Variants in GATA6 observed in about 807,000 individuals in gnomAD.
GATA6 encodes the protein transcription factor GATA-6.
GATA6 carries 11 observed loss-of-function variants against 48.1 expected under a neutral mutation model. The ratio of observed to expected loss-of-function variants is 0.23; its 90% CI spans 0.14 to 0.38. The LOEUF is 0.38. Ranked by LOEUF, GATA6 falls within the 10% of genes least tolerant of loss-of-function variation. GATA6 has a pLI of 1.00. For synonymous variants in GATA6, 419 were observed against 396.1 expected, an observed-to-expected ratio of 1.06 and a Z score of -0.69; for missense variants, 795 against 850.3, an observed-to-expected ratio of 0.93 and a Z score of 0.81.
At chr18:22,180,943 T>TG in intron 3 of GATA6, among the ~76,000 whole-genome samples, 1 of 150,374 alleles carries the variant, frequency 6.7e-6, no homozygotes, top group Non-Finnish European at 1.5e-5. Context: ...CTGTCCACGG[T>TG]GGGGGGTGGG....
At chr18:22,177,161 C>T (rs1459417742) in intron 3 of GATA6, 40 bp downstream of exon 3, 13 of 1,525,024 alleles carry the variant, frequency 8.5e-6, no homozygotes, top group African/African-American at 2.8e-5. Context: ...GCGGCCGGCC[C>T]CGGGCTCTCC....
At chr18:22,196,040 T>C (rs559438848) in intron 6 of GATA6, among the ~76,000 whole-genome samples, 8 of 152,342 alleles carry the variant, frequency 5.3e-5, no homozygotes, top group African/African-American at 1.9e-4. Flanking sequence ...TTCTGTAAGG[T>C]GGGTGTACCA....
chr18:22,171,253 T>TCCCCC lies in GATA6; in HGVS notation c.110_114dup (p.Ile39ProfsTer100). On this transcript the variant is annotated frameshift_variant, in exon 2 of 7. Transcript: ENST00000269216. LOFTEE classifies it high-confidence loss of function. The surrounding 1 kb of genome is among the most constrained non-coding windows in gnomAD (Gnocchi z 7.1). ...AGCGCGGGAGCCCTCCACGCCGCCTTCCCCCATCTCTTCCTCGTCCTCCTC... is the reference window on the plus strand; with the variant it reads ...AGCGCGGGAGCCCTCCACGCCGCCTTCCCCCCCCCCATCTCTTCCTCGTCCTCCTC... 1 of 1,598,224 alleles carries TCCCCC rather than the reference T, an allele frequency of 6.3e-7. No individual in the cohort carries two copies. The highest frequency in any genetic ancestry group is 1.3e-5 in the African/African-American group (1 of 74,940).
intron 6 of GATA6, among the ~76,000 whole-genome samples, chr18:22,190,704 G>A (rs945556678): frequency 5.3e-5 from 8 of 152,152 alleles, no homozygotes; most frequent in Admixed American, 2.0e-4. Flanking sequence ...TGGAACCGAC[G>A]TCTCCTGCCT....
chr18:22,179,660 T>A (rs957602701), intron 3 of GATA6, among the ~76,000 whole-genome samples: 1 of 146,926 alleles, frequency 6.8e-6, no homozygotes, highest in African/African-American at 2.7e-5. Flanking sequence ...TCCTAAAAAA[T>A]TATTTTCTTT....
intron 6 of GATA6, among the ~76,000 whole-genome samples, chr18:22,190,749 G>A (rs1431999288): frequency 6.6e-6 from 1 of 152,148 alleles, no homozygotes; most frequent in African/African-American, 2.4e-5. Flanking sequence ...CCAGGGAGTT[G>A]ACCAATCATC....
Position 22,171,298 on chromosome 18 carries a change from C to CG in GATA6, c.158dup (p.Gly55ArgfsTer63). On this transcript the variant is annotated frameshift_variant, in exon 2 of 7. Transcript: ENST00000269216. LOFTEE classifies it high-confidence loss of function. The surrounding 1 kb of genome is among the most constrained non-coding windows in gnomAD (Gnocchi z 7.1). ...CTCCTCCTGCTCCCGGGGCGGAGAG[C>CG]GGGGCCCCGGCGGCGCCAGCAACTG... 1 of 1,591,960 alleles carries CG rather than the reference C, an allele frequency of 6.3e-7. No individual in the cohort carries two copies. The highest frequency in any genetic ancestry group is 8.5e-7 in the Non-Finnish European group (1 of 1,175,494).
chr18:22,196,543 A>G (rs1459749640), intron 6 of GATA6, among the ~76,000 whole-genome samples: 1 of 152,004 alleles, frequency 6.6e-6, no homozygotes, highest in East Asian at 1.9e-4. Flanking sequence ...GAGTTTGAGA[A>G]CAGCCTAGGC....
At chr18:22,179,667 C>A (rs561767614) in intron 3 of GATA6, among the ~76,000 whole-genome samples, 2 of 152,140 alleles carry the variant, frequency 1.3e-5, no homozygotes, top group African/African-American at 4.8e-5. Flanking sequence ...AAATTATTTT[C>A]TTTTAACCAC....
At position 22,181,527 on chromosome 18, in the gene GATA6, C is replaced by A. The variant is rs765639422; in HGVS notation, c.1377C>A (p.Ala459=). 1 of 1,614,110 alleles carries A rather than the reference C, an allele frequency of 6.2e-7. No individual in the cohort carries two copies. Among genetic ancestry groups the A allele is most frequent in the Non-Finnish European group, 8.5e-7 (1 of 1,180,016 alleles). ...TTTTTLWRRN[A]EGEPVCNACG... ...CTACCACCTTATGGCGCAGAAACGCCGAGGGTGAACCCGTGTGCAATGCTT... is the reference window on the plus strand; with the variant it reads ...CTACCACCTTATGGCGCAGAAACGCAGAGGGTGAACCCGTGTGCAATGCTT... The change falls in exon 4 of 7, where the codon GCC becomes GCA. Residue 459 remains alanine, a synonymous_variant. Coordinates refer to ENST00000269216, the MANE Select transcript of GATA6 (RefSeq NM_005257.6).
At chr18:22,176,744 G>C (rs181309030) in intron 2 of GATA6, 3 of 555,638 alleles carry the variant, frequency 5.4e-6, no homozygotes, top group African/African-American at 2.0e-5. Context: ...GGCGCTCCGG[G>C]TGTGCAGAAG....
intron 3 of GATA6, among the ~76,000 whole-genome samples, chr18:22,177,953 T>TTTTG (rs1321902241): frequency 6.2e-5 from 6 of 96,788 alleles, no homozygotes; most frequent in African/African-American, 3.7e-4. Flanking sequence ...TGTTTTTTTG[T>TTTTG]TTTTTTTTTT....
In GATA6 at chr18:22,171,723, C is replaced by A. The variant is rs1308122626; in HGVS notation, c.579C>A (p.Arg193=). 6.7e-7 allele frequency: 1 copy of A among 1,489,520 alleles called. No individual in the cohort carries two copies. The allele number at this position is 1,489,520 out of a possible 1,614,324, so 92.3% of individuals were successfully genotyped here. Residue 193 remains arginine, a synonymous_variant, in exon 2 of 7, where the codon CGC becomes CGA. Coordinates refer to ENST00000269216, the MANE Select transcript of GATA6 (RefSeq NM_005257.6). The surrounding 1 kb of genome is among the most constrained non-coding windows in gnomAD (Gnocchi z 7.1). ...CCCCGGTCTACGTGCCCACCACCCGCGTGGGTTCCATGCTGCCCGGCCTAC... is the reference window on the plus strand; with the variant it reads ...CCCCGGTCTACGTGCCCACCACCCGAGTGGGTTCCATGCTGCCCGGCCTAC... ...ASSPVYVPTT[R]VGSMLPGLPY... is the part of the protein sequence containing the mutation.
intron 2 of GATA6, chr18:22,175,396 G>GGAAT (rs1366215858): frequency 2.6e-5 from 4 of 152,094 alleles, no homozygotes; most frequent in African/African-American, 9.7e-5. Flanking sequence ...GGTTTTCCAG[G>GGAAT]GAATGCCCCA....
intron 3 of GATA6, among the ~76,000 whole-genome samples, chr18:22,179,779 A>G (rs1358159917): frequency 1.3e-5 from 2 of 152,246 alleles, no homozygotes; most frequent in Non-Finnish European, 2.9e-5. Flanking sequence ...TGAGCCAAGC[A>G]TACTCATTTC....
In GATA6 at chr18:22,200,921, C is replaced by G; in HGVS notation, c.*98C>G. On this transcript the variant is annotated 3_prime_UTR_variant, in exon 7 of 7. Coordinates refer to ENST00000269216, the MANE Select transcript of GATA6 (RefSeq NM_005257.6). ...GTCCAGACAGTGGCGACTGCGCTGA[C>G]AGAACGTGATTCTCGTGCCTTTATT... 8.0e-7 allele frequency: 1 copy of G among 1,251,686 alleles called. No homozygotes were observed. Among genetic ancestry groups the G allele is most frequent in the Non-Finnish European group, 1.1e-6 (1 of 897,752 alleles). 77.5% of individuals were successfully genotyped at this position (1,251,686 alleles called of 1,614,324 possible). A position where few individuals can be genotyped will look rare whatever the true frequency, so the allele number is the denominator to read the frequency against.
intron 6 of GATA6, among the ~76,000 whole-genome samples, chr18:22,191,450 A>T (rs565365195): frequency 6.6e-6 from 1 of 151,960 alleles, no homozygotes. Context: ...AATTTAAGAA[A>T]TCTGGCTTAG....
At chr18:22,197,303 G>A (rs922338654) in intron 6 of GATA6, among the ~76,000 whole-genome samples, 2 of 152,008 alleles carry the variant, frequency 1.3e-5, no homozygotes, top group South Asian at 2.1e-4. Context: ...CACCTGCCTC[G>A]GCCTCTCTAA....
chr18:22,173,778 AT>A (rs2033086512), intron 2 of GATA6, among the ~76,000 whole-genome samples: 1 of 152,062 alleles, frequency 6.6e-6, no homozygotes, highest in Non-Finnish European at 1.5e-5. Flanking sequence ...TGTAGCTGGG[AT>A]TACAGGCGCG....
Sources: allele counts gnomAD v4.1 joint callset (sites outside exome capture counted in the v4.1 genomes callset), GRCh38; gene constraint gnomAD v4.1.1; non-coding constraint Gnocchi (gnomAD v3.1); transcripts MANE v1.5; gene names NCBI Gene and HGNC (gene_info 2026-07-23, HGNC 2026-07-21).